The following IGSF11 variants were observed in gnomAD, a reference collection of about 807,000 sequenced individuals.
The protein encoded by IGSF11 is CXADR like 1.
In IGSF11, 22 loss-of-function variants were observed where a neutral mutation model predicts 41.0. That is an observed-to-expected ratio of 0.54 (90% CI 0.38 to 0.77). The LOEUF is 0.77. Among genes scored for constraint, IGSF11 ranks in the 30% least tolerant of loss-of-function variants. The probability of loss-of-function intolerance (pLI) is 0.00; values close to 1 mark genes in which losing one functional copy is unlikely to be tolerated. For missense variants in IGSF11, 444 were observed against 530.8 expected, an observed-to-expected ratio of 0.84 and a Z score of 1.61; for synonymous variants, 219 against 201.3, an observed-to-expected ratio of 1.09 and a Z score of -0.74.
rs567572711 is a variant in IGSF11 at position 118,900,758 on chromosome 3, A to T, written c.*1762T>A. 96 of 152,728 alleles carry T rather than the reference A, an allele frequency of 6.3e-4. No homozygotes were observed. Among genetic ancestry groups the T allele is most frequent in the African/African-American group, 2.3e-3 (94 of 41,558 alleles). 9.5% of individuals were successfully genotyped at this position (152,728 alleles called of 1,614,324 possible). ...TGTCATGGTATTTTCACTTTTCTTT[A>T]TAAAAAGTATAGACATTCATTTATT... On this transcript the variant is annotated 3_prime_UTR_variant, in exon 7 of 7. Transcript: ENST00000393775.
chr3:119,068,318 G>T (rs1475315887), intron 1 of IGSF11, among the ~76,000 whole-genome samples: 1 of 152,178 alleles, frequency 6.6e-6, no homozygotes, highest in South Asian at 2.1e-4. Flanking sequence ...GCTTGGAAAT[G>T]TAATATTTTA....
intron 1 of IGSF11, chr3:118,942,978 T>C (rs2107562121): frequency 6.6e-6 from 1 of 152,320 alleles, no homozygotes; most frequent in Middle Eastern, 3.4e-3. Context: ...ATGCTCTCCT[T>C]TGCTCAGAGG....
At chr3:118,908,424 T>A (rs1029621417) in intron 4 of IGSF11, among the ~76,000 whole-genome samples, 4 of 152,158 alleles carry the variant, frequency 2.6e-5, no homozygotes, top group Non-Finnish European at 5.9e-5. Flanking sequence ...CCTGTTTATG[T>A]GACAAGGCAA....
chr3:119,053,129 C>T (rs1453271633), intron 1 of IGSF11, among the ~76,000 whole-genome samples: 1 of 152,054 alleles, frequency 6.6e-6, no homozygotes, highest in Non-Finnish European at 1.5e-5. Context: ...CAACGTAGTA[C>T]TGGAAGTCCT....
chr3:119,112,768 T>A (rs2077198915), intron 1 of IGSF11: 1 of 152,536 alleles, frequency 6.6e-6, no homozygotes, highest in Non-Finnish European at 1.5e-5. Flanking sequence ...GCATTTTCTT[T>A]ATCCATTCAT....
chr3:118,984,208 A>T (rs1270216848), intron 1 of IGSF11, among the ~76,000 whole-genome samples: 1 of 151,622 alleles, frequency 6.6e-6, no homozygotes, highest in East Asian at 1.9e-4. Context: ...TCTTTTTTAC[A>T]TCCTGCTGAA....
intron 5 of IGSF11, 46 bp downstream of exon 5, chr3:118,905,550 T>C (rs1939483476): frequency 6.2e-7 from 1 of 1,605,876 alleles, no homozygotes. Context: ...ACAAAGATCT[T>C]AGAGTTTCAG....
At chr3:118,905,838 G>A (rs1939527534) in intron 4 of IGSF11, 120 bp from the exon 5 acceptor site, 2 of 1,099,640 alleles carry the variant, frequency 1.8e-6, no homozygotes, top group Non-Finnish European at 1.3e-6. Flanking sequence ...TTTCTTTTTT[G>A]TGGGGGTAGG....
chr3:118,949,430 AC>A (rs1202702333), intron 1 of IGSF11: 2 of 152,264 alleles, frequency 1.3e-5, no homozygotes, highest in South Asian at 2.1e-4. Context: ...GAAATACAAC[AC>A]ATGAACATAT....
At chr3:118,985,468 T>C (rs1276668784) in intron 1 of IGSF11, among the ~76,000 whole-genome samples, 1 of 152,242 alleles carries the variant, frequency 6.6e-6, no homozygotes, top group Non-Finnish European at 1.5e-5. Context: ...GCTGTGTTTC[T>C]GGCCTTGACC....
At chr3:118,980,919 A>C in intron 1 of IGSF11, among the ~76,000 whole-genome samples, 1 of 152,210 alleles carries the variant, frequency 6.6e-6, no homozygotes, top group Non-Finnish European at 1.5e-5. Context: ...CATTTTAAGA[A>C]GTCACATTTT....
At chr3:118,992,201 T>C (rs571309366) in intron 1 of IGSF11, among the ~76,000 whole-genome samples, 146 of 152,342 alleles carry the variant, frequency 9.6e-4, no homozygotes, top group African/African-American at 3.4e-3. Flanking sequence ...AAACAACCTA[T>C]ATTCCAAAAT....
At position 118,904,732 on chromosome 3, in the gene IGSF11, C is replaced by CA; in HGVS notation, c.769dup (p.Cys257LeufsTer17). ...GAATGCCCCTAAAATTAGTGCAATG[C>CA]AAAAAATGATAATAACTGCACCAGT... On this transcript the variant is annotated frameshift_variant, in exon 6 of 7. Coordinates refer to ENST00000393775, the MANE Select transcript of IGSF11 (RefSeq NM_001015887.3). LOFTEE classifies it high-confidence loss of function. 1.2e-6 allele frequency: 2 copies of CA among 1,612,968 alleles called. No homozygotes were observed. Among genetic ancestry groups the CA allele is most frequent in the Non-Finnish European group, 1.7e-6 (2 of 1,179,372 alleles).
intron 1 of IGSF11, among the ~76,000 whole-genome samples, chr3:119,141,549 G>A (rs1355452649): frequency 6.7e-6 from 1 of 149,542 alleles, no homozygotes; most frequent in Non-Finnish European, 1.5e-5. Flanking sequence ...ATTAAAAAAA[G>A]ACTCAAATAA....
At chr3:119,056,283 A>G (rs1328985348) in intron 1 of IGSF11, among the ~76,000 whole-genome samples, 1 of 152,212 alleles carries the variant, frequency 6.6e-6, no homozygotes, top group Non-Finnish European at 1.5e-5. Context: ...AAAATGATAA[A>G]GGGGATATCA....
chr3:118,949,222 T>C (rs553391272), intron 1 of IGSF11: 55 of 150,422 alleles, frequency 3.7e-4, no homozygotes, highest in African/African-American at 1.3e-3. Context: ...AGAACAAAGA[T>C]TTTTACCATT....
intron 1 of IGSF11, among the ~76,000 whole-genome samples, chr3:119,003,775 G>T (rs1576612225): frequency 1.3e-5 from 2 of 151,672 alleles, no homozygotes; most frequent in Middle Eastern, 3.4e-3. Flanking sequence ...TTATTGATTT[G>T]CGTATATTGA....
At chr3:118,956,753 T>C (rs1211892538) in intron 1 of IGSF11, among the ~76,000 whole-genome samples, 2 of 152,014 alleles carry the variant, frequency 1.3e-5, no homozygotes. Flanking sequence ...AGACAGAGAA[T>C]AATGAGAAAG....
intron 1 of IGSF11, among the ~76,000 whole-genome samples, chr3:119,064,814 C>T (rs1284976262): frequency 1.3e-5 from 2 of 151,916 alleles, no homozygotes; most frequent in African/African-American, 4.8e-5. Flanking sequence ...ATTTAATTTT[C>T]TATTTGATTA....
Sources: gnomAD v4.1 joint callset for allele counts (sites outside exome capture counted in the v4.1 genomes callset) on GRCh38, gnomAD v4.1.1 for gene constraint, MANE v1.5 for transcripts, NCBI Gene and HGNC (gene_info 2026-07-23, HGNC 2026-07-21) for gene names.